Variants in PDZRN3 observed in about 807,000 individuals in gnomAD.
PDZRN3 encodes PDZ domain containing ring finger 3.
A neutral mutation model predicts 85.7 loss-of-function variants in PDZRN3; 38 were observed. The ratio of observed to expected loss-of-function variants is 0.44; its 90% confidence interval spans 0.34 to 0.58. The LOEUF (loss-of-function observed/expected upper bound fraction) is 0.58. Among genes scored for constraint, PDZRN3 ranks in the 20% least tolerant of loss-of-function variants. PDZRN3 has a pLI of 0.01. For missense variants in PDZRN3, 1,629 were observed against 1,506.4 expected (o/e 1.08, Z -1.35); for synonymous variants, 759 against 638.0 (o/e 1.19, Z -2.86).
chr3:73,600,961 C>G (rs1413312628), intron 3 of PDZRN3, among the ~76,000 whole-genome samples: 4 of 152,120 alleles, frequency 2.6e-5, no homozygotes, highest in South Asian at 2.1e-4. Context: ...GTTTAAGAAC[C>G]CTTCAAACAT....
intron 1 of PDZRN3, among the ~76,000 whole-genome samples, chr3:73,619,608 GA>G (rs1425372853): frequency 2.0e-5 from 3 of 152,178 alleles, no homozygotes; most frequent in African/African-American, 7.2e-5. Flanking sequence ...GTTCCAGGTA[GA>G]CAGAAGAGCA....
At chr3:73,520,607 T>C (rs537978406) in intron 3 of PDZRN3, among the ~76,000 whole-genome samples, 1 of 152,220 alleles carries the variant, frequency 6.6e-6, no homozygotes, top group South Asian at 2.1e-4. Flanking sequence ...CTCCAGATAC[T>C]TGGGTCTCAA....
intron 3 of PDZRN3, among the ~76,000 whole-genome samples, chr3:73,539,506 C>T (rs1704864924): frequency 6.6e-6 from 1 of 152,132 alleles, no homozygotes; most frequent in Admixed American, 6.5e-5. Context: ...CTGAGTGAGA[C>T]TTCAAAGACC....
At chr3:73,459,022 A>G (rs1341000213) in intron 3 of PDZRN3, among the ~76,000 whole-genome samples, 1 of 151,912 alleles carries the variant, frequency 6.6e-6, no homozygotes, top group Non-Finnish European at 1.5e-5. Context: ...AAAAAAGAAA[A>G]AAGAAAAGAG....
intron 3 of PDZRN3, among the ~76,000 whole-genome samples, chr3:73,489,747 A>G (rs1164497261): frequency 1.3e-5 from 2 of 151,394 alleles, no homozygotes; most frequent in Non-Finnish European, 2.9e-5. Flanking sequence ...TAATTTTTGT[A>G]TTTTTAGTAG....
chr3:73,509,311 G>A (rs1704122064), intron 3 of PDZRN3, among the ~76,000 whole-genome samples: 1 of 152,202 alleles, frequency 6.6e-6, no homozygotes, highest in South Asian at 2.1e-4. Context: ...CATCTACCAT[G>A]CAACAGGCAC....
chr3:73,433,047 A>C (rs1246906168), intron 3 of PDZRN3, among the ~76,000 whole-genome samples: 1 of 152,248 alleles, frequency 6.6e-6, no homozygotes, highest in Non-Finnish European at 1.5e-5. Context: ...CTCAGAAGAT[A>C]CAAGTCATCT....
intron 3 of PDZRN3, among the ~76,000 whole-genome samples, chr3:73,498,076 G>A (rs1703902475): frequency 6.6e-6 from 1 of 152,152 alleles, no homozygotes; most frequent in Non-Finnish European, 1.5e-5. Context: ...AGAAGGTAAG[G>A]CCACAAATCC....
chr3:73,533,221 TA>T lies in PDZRN3; in HGVS notation c.918+69132del, dbSNP rs1478754355. ...TTAAGTTAACTTAATCAAGTTTCCA[TA>T]TTGTTTATGGCGAAAGTTAAGGCAA... On this transcript the variant is annotated intron_variant, in intron 3 of 9. Transcript: ENST00000263666. Among the ~76,000 whole-genome samples the T allele has an allele frequency of 7.2e-5, 11 of 152,358 alleles. No homozygotes were observed. The East Asian group carries it at 2.1e-3, about 29-fold the overall frequency.
chr3:73,561,913 A>G (rs1282832481), intron 3 of PDZRN3, among the ~76,000 whole-genome samples: 1 of 136,642 alleles, frequency 7.3e-6, no homozygotes. Flanking sequence ...AACCCAAGTC[A>G]TTTTTTTTTT....
intron 3 of PDZRN3, among the ~76,000 whole-genome samples, chr3:73,440,865 CG>C (rs1281699640): frequency 1.3e-5 from 2 of 152,208 alleles, no homozygotes; most frequent in Middle Eastern, 3.4e-3. Flanking sequence ...TACTAACAGT[CG>C]GGCAGTCCTC....
chr3:73,417,631 T>A (rs1559668301), intron 3 of PDZRN3, among the ~76,000 whole-genome samples: 1 of 152,152 alleles, frequency 6.6e-6, no homozygotes, highest in African/African-American at 2.4e-5. Flanking sequence ...TTGACTAAGT[T>A]ATAAGAGAAA....
chr3:73,420,153 G>A (rs564167626), intron 3 of PDZRN3, among the ~76,000 whole-genome samples: 1 of 152,284 alleles, frequency 6.6e-6, no homozygotes, highest in African/African-American at 2.4e-5. Context: ...AGAAATCCAT[G>A]ACTCCTTCTG....
At chr3:73,594,158 G>A (rs1179389348) in intron 3 of PDZRN3, among the ~76,000 whole-genome samples, 1 of 152,090 alleles carries the variant, frequency 6.6e-6, no homozygotes, top group Non-Finnish European at 1.5e-5. Context: ...CACACAATAA[G>A]CTATGCACAG....
At chr3:73,548,432 A>G (rs891161572) in intron 3 of PDZRN3, among the ~76,000 whole-genome samples, 1 of 152,222 alleles carries the variant, frequency 6.6e-6, no homozygotes, top group Non-Finnish European at 1.5e-5. Context: ...TGTATGCTGA[A>G]GCAAAGGAGG....
chr3:73,530,030 A>G (rs1704617441), intron 3 of PDZRN3, among the ~76,000 whole-genome samples: 1 of 152,212 alleles, frequency 6.6e-6, no homozygotes, highest in South Asian at 2.1e-4. Flanking sequence ...CATTATTAGC[A>G]TGATTTTACT....
At chr3:73,400,300 G>A (rs1701723043) in intron 5 of PDZRN3, among the ~76,000 whole-genome samples, 1 of 152,162 alleles carries the variant, frequency 6.6e-6, no homozygotes. Flanking sequence ...AAAGGAAAAT[G>A]GGAAGTAGAA....
chr3:73,448,420 C>G (rs1192203311), intron 3 of PDZRN3, among the ~76,000 whole-genome samples: 1 of 152,188 alleles, frequency 6.6e-6, no homozygotes, highest in African/African-American at 2.4e-5. Flanking sequence ...AGGGATGATG[C>G]TGAACCCTAG....
chr3:73,503,912 T>C (rs1704025587), intron 3 of PDZRN3, among the ~76,000 whole-genome samples: 1 of 152,174 alleles, frequency 6.6e-6, no homozygotes, highest in Non-Finnish European at 1.5e-5. Flanking sequence ...AACAGATGTG[T>C]TTTTGTATCA....
Sources: allele counts gnomAD v4.1 joint callset (sites outside exome capture counted in the v4.1 genomes callset), GRCh38; gene constraint gnomAD v4.1.1; transcripts MANE v1.5; gene names NCBI Gene and HGNC (gene_info 2026-07-23, HGNC 2026-07-21).